DCAF1: variants seen among roughly 807,000 people sequenced by gnomAD.
DCAF1 encodes DDB1 and CUL4 associated factor 1.
DCAF1 carries 15 observed loss-of-function variants against 128.0 expected under a neutral mutation model. The ratio of observed to expected loss-of-function variants is 0.12; its 90% confidence interval spans 0.08 to 0.18. The LOEUF is 0.18. Ranked by LOEUF, DCAF1 falls within the 10% of genes least tolerant of loss-of-function variation. The pLI is 1.00. For synonymous variants in DCAF1, 610 were observed against 603.0 expected, an observed-to-expected ratio of 1.01 and a Z score of -0.17; for missense variants, 988 against 1,649.5, an observed-to-expected ratio of 0.60 and a Z score of 6.95.
At position 51,441,811 on chromosome 3, in the gene DCAF1, C is replaced by T. The variant is rs782050766; in HGVS notation, c.600G>A (p.Lys200=). The T allele has an allele frequency of 1.4e-5, 22 of 1,613,854 alleles. No homozygotes were observed. Among genetic ancestry groups the T allele is most frequent in the Non-Finnish European group, 1.6e-5 (19 of 1,179,876 alleles). Residue 200 remains lysine, a synonymous_variant, in exon 8 of 25, where the codon AAG becomes AAA. Transcript: ENST00000684031. The part of the protein sequence containing the change: ...RQENKRPSPR[K]LSSEPLLPLD... ...GAGGCAAAAGGGGTTCAGAAGAGAG[C>T]TTCCGTGGACTGGGACGCTTGTTTT...
chr3:51,481,781 A>G (rs1706230113), intron 3 of DCAF1, among the ~76,000 whole-genome samples: 1 of 152,108 alleles, frequency 6.6e-6, no homozygotes, highest in Non-Finnish European at 1.5e-5. Context: ...ACTTGAGGTC[A>G]GGAGTTCGAG....
chr3:51,463,352 CTAAT>C (rs1352618794), intron 5 of DCAF1, 125 bp from the exon 6 acceptor site: 3 of 452,306 alleles, frequency 6.6e-6, no homozygotes, highest in East Asian at 3.5e-5. Context: ...CTGTATGTAA[CTAAT>C]TAAACTTTTA....
At chr3:51,464,186 G>C (rs921793383) in intron 5 of DCAF1, among the ~76,000 whole-genome samples, 1 of 151,894 alleles carries the variant, frequency 6.6e-6, no homozygotes, top group Admixed American at 6.6e-5. Context: ...TTTTTTAAAA[G>C]CATAAGCAGG....
chr3:51,460,046 G>C (rs1553644019), intron 6 of DCAF1, among the ~76,000 whole-genome samples: 1 of 152,138 alleles, frequency 6.6e-6, no homozygotes, highest in Admixed American at 6.6e-5. Context: ...AGCGTTGGGA[G>C]TTCTGGCCAG....
rs57475291 is a variant in DCAF1 at position 51,483,609 on chromosome 3, T to TTGTGTGTGTGTG, written c.110+98_110+109dup. 1.5e-3 allele frequency: 699 copies of TTGTGTGTGTGTG among 475,764 alleles called. 4 individuals carry two copies. The highest frequency in any genetic ancestry group is 6.3e-3 in the South Asian group (192 of 30,640). The allele number at this position is 475,764 out of a possible 1,614,324, so 29.5% of individuals were successfully genotyped here. On this transcript the variant is annotated intron_variant, in intron 3 of 24. Transcript: ENST00000684031. ...AATTTTTGCTTCTTTTTAAACTAGT[T>TTGTGTGTGTGTG]TGTGTGTGTGTGTGTGTGTGTGTGT...
intron 6 of DCAF1, among the ~76,000 whole-genome samples, chr3:51,451,297 C>A (rs1172908172): frequency 1.3e-5 from 2 of 150,286 alleles, no homozygotes; most frequent in African/African-American, 4.9e-5. Flanking sequence ...TGTTGCCCAG[C>A]CTGCAGCCAA....
intron 2 of DCAF1, among the ~76,000 whole-genome samples, chr3:51,490,383 A>T (rs1490015006): frequency 1.3e-5 from 2 of 152,166 alleles, no homozygotes; most frequent in Non-Finnish European, 2.9e-5. Flanking sequence ...GTGAACCAAG[A>T]TCGCACCACT....
downstream of DCAF1, chr3:51,397,335 C>G (rs1553623308): frequency 1.3e-4 from 21 of 167,036 alleles, no homozygotes. Flanking sequence ...ATTTTAGGGG[C>G]CTCTGAAGTA....
At chr3:51,473,270 A>T (rs1450297863) in intron 3 of DCAF1, among the ~76,000 whole-genome samples, 1 of 151,142 alleles carries the variant, frequency 6.6e-6, no homozygotes, top group Non-Finnish European at 1.5e-5. Flanking sequence ...CTCAAAAAAA[A>T]AAAAAACAAG....
intron 23 of DCAF1, among the ~76,000 whole-genome samples, chr3:51,405,379 G>GA (rs1316416157): frequency 6.6e-6 from 1 of 152,128 alleles, no homozygotes; most frequent in Admixed American, 6.5e-5. Flanking sequence ...TCTAAGCTTT[G>GA]AACTAGATAC....
intron 6 of DCAF1, among the ~76,000 whole-genome samples, chr3:51,449,591 C>T (rs1337225503): frequency 6.6e-6 from 1 of 152,018 alleles, no homozygotes; most frequent in Non-Finnish European, 1.5e-5. Context: ...CTAACTATGC[C>T]TTATGCCATA....
chr3:51,481,246 G>A (rs565990874), intron 3 of DCAF1, among the ~76,000 whole-genome samples: 8 of 152,302 alleles, frequency 5.3e-5, no homozygotes, highest in African/African-American at 1.9e-4. Flanking sequence ...GGAAGTCGGA[G>A]AAGAATGTAG....
chr3:51,483,255 A>G (rs1706474732), intron 3 of DCAF1, among the ~76,000 whole-genome samples: 1 of 151,430 alleles, frequency 6.6e-6, no homozygotes, highest in Non-Finnish European at 1.5e-5. Flanking sequence ...CCTGATCAAC[A>G]TGGTGAAACC....
chr3:51,499,284 CCT>C (rs1432815905), intron 1 of DCAF1, among the ~76,000 whole-genome samples: 14 of 152,354 alleles, frequency 9.2e-5, no homozygotes, highest in Admixed American at 2.0e-4. Context: ...GACCCGCACA[CCT>C]CTCTTTCCAA....
rs1553637895 is a variant in DCAF1, at chr3:51,439,124, T to A, written c.1128+1846A>T. Among the ~76,000 whole-genome samples, 4 of 152,194 alleles carry A rather than the reference T, an allele frequency of 2.6e-5. No homozygotes were observed. In the East Asian group the frequency reaches 7.7e-4, roughly 29 times the overall value. On this transcript the variant is annotated intron_variant, in intron 9 of 24. Transcript: ENST00000684031. Reference sequence around the variant, plus strand: ...AGCCCCTGTGAAACCTTTACTGAGTTGAAGGGTCTGCCTGTTTTGTTTTTT... The same window carrying A: ...AGCCCCTGTGAAACCTTTACTGAGTAGAAGGGTCTGCCTGTTTTGTTTTTT...
chr3:51,453,995 A>G (rs1348046366), intron 6 of DCAF1, among the ~76,000 whole-genome samples: 3 of 152,016 alleles, frequency 2.0e-5, no homozygotes, highest in African/African-American at 7.2e-5. Context: ...CGCAATTCAC[A>G]CAGCAAATTC....
At chr3:51,451,348 G>C (rs1049816341) in intron 6 of DCAF1, among the ~76,000 whole-genome samples, 3 of 151,746 alleles carry the variant, frequency 2.0e-5, no homozygotes, top group African/African-American at 4.8e-5. Context: ...AGACACAGTG[G>C]CTCATGCCTG....
At chr3:51,468,508 C>A (rs1704379026) in intron 4 of DCAF1, among the ~76,000 whole-genome samples, 1 of 152,086 alleles carries the variant, frequency 6.6e-6, no homozygotes, top group Admixed American at 6.6e-5. Context: ...TATTTTATTT[C>A]ATTTCCTTTC....
intron 6 of DCAF1, among the ~76,000 whole-genome samples, chr3:51,452,447 G>A (rs1293253698): frequency 1.3e-5 from 2 of 151,974 alleles, no homozygotes; most frequent in African/African-American, 2.4e-5. Context: ...ATATGAAAAA[G>A]GCTTGCAATC....
Sources: allele counts gnomAD v4.1 joint callset (sites outside exome capture counted in the v4.1 genomes callset), GRCh38; gene constraint gnomAD v4.1.1; transcripts MANE v1.5; gene names NCBI Gene and HGNC (gene_info 2026-07-23, HGNC 2026-07-21).